The following ESD variants were observed in gnomAD, a reference collection of about 807,000 sequenced individuals.
ESD encodes S-formylglutathione hydrolase.
A neutral mutation model predicts 38.1 loss-of-function variants in ESD; 34 were observed. That is an observed-to-expected ratio of 0.89 (90% confidence interval 0.68 to 1.19). The LOEUF (loss-of-function observed/expected upper bound fraction) is 1.19, where lower values mean the gene tolerates loss of function less well. Among genes scored for constraint, ESD ranks in the 50% most tolerant of loss-of-function variants. ESD has a pLI of 0.00. For missense variants in ESD, 334 were observed against 327.2 expected (o/e 1.02, Z -0.16); for synonymous variants, 97 against 107.0 (o/e 0.91, Z 0.58).
Position 46,780,000 on chromosome 13 carries a change from C to T in ESD, c.535G>A (p.Val179Ile), listed in dbSNP as rs959805325. The T allele has an allele frequency of 4.4e-6, 7 of 1,602,660 alleles. No homozygotes were observed. The highest frequency in any genetic ancestry group is 2.2e-5 in the East Asian group (1 of 44,478). Residue 179 changes from valine to isoleucine, a missense_variant, in exon 8 of 10, where the codon GTA becomes ATA. Physicochemically the swap from Val to Ile is conservative, Grantham distance 29. Transcript: ENST00000378720. ...GCTTTTTTGCCCCAGGGACAGAGTA[C>T]AGGGTTGCAAATTGGAGCAAATGCT... ...VSAFAPICNP[V>I]LCPWGKKAFS...
chr13:46,775,253 A>G (rs1874749549), intron 9 of ESD: 1 of 152,000 alleles, frequency 6.6e-6, no homozygotes, highest in African/African-American at 2.4e-5. Context: ...AACCAAATAA[A>G]TATCCCCGAT....
At chr13:46,772,388 CAAA>C (rs374069455) in intron 9 of ESD, among the ~76,000 whole-genome samples, 1 of 150,980 alleles carries the variant, frequency 6.6e-6, no homozygotes, top group African/African-American at 2.4e-5. Context: ...AATAGTCTTC[CAAA>C]AAAAAAATAA....
intron 9 of ESD, chr13:46,777,231 G>A (rs1874827596): frequency 3.0e-6 from 1 of 328,248 alleles, no homozygotes; most frequent in East Asian, 4.8e-5. Context: ...CTGGTTTGAT[G>A]GAAAACAATA....
intron 4 of ESD, chr13:46,785,585 G>A (rs1202319901): frequency 6.6e-6 from 1 of 151,806 alleles, no homozygotes; most frequent in Non-Finnish European, 1.5e-5. Flanking sequence ...AGACTTGCTG[G>A]GAAGTAAACC....
rs1395407159 is a variant in ESD, at chr13:46,781,528, T to A, written c.469A>T (p.Ile157Phe). Residue 157 changes from isoleucine to phenylalanine, a missense_variant, in exon 7 of 10, where the codon ATC becomes TTC. By Grantham distance (21) the Ile-to-Phe change is conservative. Transcript: ENST00000378720. ...TTTCCAGGATTTTTCAAAGCACAGATCAGAGCTCCATGACCTCCCATGGAG... is the reference window on the plus strand; with the variant it reads ...TTTCCAGGATTTTTCAAAGCACAGAACAGAGCTCCATGACCTCCCATGGAG... ...GHSMGGHGAL[I>F]CALKNPGKYK... The A allele has an allele frequency of 3.1e-6, 5 of 1,608,158 alleles. No homozygotes were observed. Among genetic ancestry groups the A allele is most frequent in the Non-Finnish European group, 4.3e-6 (5 of 1,176,208 alleles).
At chr13:46,776,598 T>G (rs1004987316) in intron 9 of ESD, 1 of 152,110 alleles carries the variant, frequency 6.6e-6, no homozygotes, top group African/African-American at 2.4e-5. Flanking sequence ...TGATATCTCA[T>G]TTGGCGGTAT....
chr13:46,779,736 TAATAATATATATAA>T (rs1485229154), intron 8 of ESD, among the ~76,000 whole-genome samples, 185 bp downstream of exon 8: 3 of 145,856 alleles, frequency 2.1e-5, no homozygotes, highest in South Asian at 2.1e-4. Flanking sequence ...ATAATATATA[TAATAATATATATAA>T]AATAATATAT....
intron 9 of ESD, among the ~76,000 whole-genome samples, chr13:46,773,577 G>A (rs1036039672): frequency 4.6e-5 from 7 of 152,180 alleles, no homozygotes; most frequent in African/African-American, 1.4e-4. Flanking sequence ...ACGCTTCAGA[G>A]AACAAGGAAA....
At chr13:46,779,705 TTATATATATA>T (rs1005655413) in intron 8 of ESD, among the ~76,000 whole-genome samples, 1 of 143,410 alleles carries the variant, frequency 7.0e-6, no homozygotes, top group Admixed American at 7.1e-5. Flanking sequence ...TTTTGTTGAT[TTATATATATA>T]TATATATAAA....
intron 1 of ESD, among the ~76,000 whole-genome samples, chr13:46,794,569 T>C (rs1354956391): frequency 6.6e-6 from 1 of 151,922 alleles, no homozygotes; most frequent in Non-Finnish European, 1.5e-5. Context: ...CCTCCAGAAA[T>C]CTGAGTTCTA....
chr13:46,795,916 G>C (rs1296425779), intron 1 of ESD, among the ~76,000 whole-genome samples: 1 of 151,966 alleles, frequency 6.6e-6, no homozygotes, highest in Non-Finnish European at 1.5e-5. Context: ...ACCATGCCCA[G>C]GTAATTTTTT....
intron 4 of ESD, among the ~76,000 whole-genome samples, chr13:46,786,396 T>TA (rs1483926666): frequency 1.3e-5 from 2 of 151,994 alleles, no homozygotes; most frequent in Admixed American, 6.6e-5. Context: ...ATTCTCTCCT[T>TA]ATGTTTGCTT....
chr13:46,786,801 G>A (rs192658039), intron 4 of ESD, among the ~76,000 whole-genome samples: 185 of 151,938 alleles, frequency 1.2e-3, no homozygotes, highest in Middle Eastern at 6.8e-3. Flanking sequence ...TACATTCTCT[G>A]CTAAATTACT....
intron 5 of ESD, 80 bp from the exon 6 acceptor site, chr13:46,782,871 C>T: frequency 6.6e-7 from 1 of 1,526,092 alleles, no homozygotes; most frequent in Non-Finnish European, 8.9e-7. Flanking sequence ...GATGAATCTG[C>T]AAGTCCATTT....
chr13:46,794,150 T>C, intron 1 of ESD, among the ~76,000 whole-genome samples: 1 of 110,286 alleles, frequency 9.1e-6, no homozygotes, highest in African/African-American at 3.7e-5. Context: ...CCTTCCTCCT[T>C]CCCCTCCAAA....
Position 46,782,705 on chromosome 13 carries a change from T to C in ESD, c.343A>G (p.Lys115Glu). The change falls in exon 6 of 10, where the codon AAA becomes GAA. Residue 115 changes from lysine (K) to glutamate (E), a missense_variant. By Grantham distance (56) the Lys-to-Glu change is moderately conservative. Transcript: ENST00000378720. ...TAAGAGTACATTCTGTAGTTGGTTTTCCAAGGATCTTCAGTGGCATCAACA... is the reference window on the plus strand; with the variant it reads ...TAAGAGTACATTCTGTAGTTGGTTTCCCAAGGATCTTCAGTGGCATCAACA... The part of the protein sequence containing the change: ...FYVDATEDPW[K>E]TNYRMYSYVT... The C allele has an allele frequency of 6.2e-7, 1 of 1,612,382 alleles. No individual in the cohort carries two copies.
chr13:46,780,974 T>C (rs369198465), intron 7 of ESD, among the ~76,000 whole-genome samples: 28 of 151,834 alleles, frequency 1.8e-4, no homozygotes, highest in African/African-American at 6.7e-4. Flanking sequence ...ATACTACATA[T>C]GGTAGTTATT....
At chr13:46,793,712 A>C (rs1875473285) in intron 1 of ESD, among the ~76,000 whole-genome samples, 1 of 152,218 alleles carries the variant, frequency 6.6e-6, no homozygotes, top group African/African-American at 2.4e-5. Context: ...AAGTACTATG[A>C]AAGTTTTTTA....
intron 7 of ESD, among the ~76,000 whole-genome samples, chr13:46,780,422 T>C (rs1874958674): frequency 6.6e-6 from 1 of 151,768 alleles, no homozygotes; most frequent in Admixed American, 6.6e-5. Context: ...GACACATTTC[T>C]CTTAAACAGT....
Sources: gnomAD v4.1 joint callset for allele counts (sites outside exome capture counted in the v4.1 genomes callset) on GRCh38, gnomAD v4.1.1 for gene constraint, MANE v1.5 for transcripts, NCBI Gene and HGNC (gene_info 2026-07-23, HGNC 2026-07-21) for gene names.